The following PSD3 variants were observed in gnomAD, a reference collection of about 807,000 sequenced individuals.
PSD3 encodes the protein PH and SEC7 domain-containing protein 3.
Under a neutral mutation model 105.5 loss-of-function variants are expected in PSD3, and 49 were observed. That is an observed-to-expected ratio of 0.46 (90% CI 0.37 to 0.59). PSD3 has a LOEUF of 0.59. Among genes scored for constraint, PSD3 ranks in the 20% least tolerant of loss-of-function variants. The probability of loss-of-function intolerance (pLI) is 0.00; values close to 1 mark genes in which losing one functional copy is unlikely to be tolerated. For missense variants in PSD3, 1,561 were observed against 1,263.8 expected (o/e 1.24, Z -3.57); for synonymous variants, 557 against 457.8 (o/e 1.22, Z -2.77).
intron 2 of PSD3, among the ~76,000 whole-genome samples, chr8:18,928,805 T>C (rs1290517093): frequency 6.6e-6 from 1 of 151,558 alleles, no homozygotes; most frequent in Non-Finnish European, 1.5e-5. Flanking sequence ...TCTCTCTCTC[T>C]CCCTTCCTCT....
chr8:18,594,105 C>A (rs1169789229), intron 12 of PSD3, among the ~76,000 whole-genome samples: 1 of 115,480 alleles, frequency 8.7e-6, no homozygotes, highest in Admixed American at 1.1e-4. Context: ...CATATGTACC[C>A]TAGAACTTAA....
chr8:18,988,110 A>C (rs576351936), intron 1 of PSD3, among the ~76,000 whole-genome samples: 4 of 121,820 alleles, frequency 3.3e-5, no homozygotes, highest in Non-Finnish European at 8.0e-5. Flanking sequence ...TAAATAAATA[A>C]ATACATATAT....
intron 11 of PSD3, among the ~76,000 whole-genome samples, chr8:18,603,724 C>A (rs922188143): frequency 6.6e-6 from 1 of 152,160 alleles, no homozygotes; most frequent in Non-Finnish European, 1.5e-5. Context: ...TGGTTTAGCA[C>A]CATCCGCTTC....
intron 1 of PSD3, among the ~76,000 whole-genome samples, chr8:19,031,989 A>G (rs1468272591): frequency 3.9e-5 from 6 of 152,018 alleles, no homozygotes; most frequent in African/African-American, 1.4e-4. Flanking sequence ...TATTTTGGAG[A>G]AATGATAGCC....
At chr8:18,573,500 TG>T (rs1802276839) in intron 13 of PSD3, among the ~76,000 whole-genome samples, 1 of 152,122 alleles carries the variant, frequency 6.6e-6, no homozygotes, top group Non-Finnish European at 1.5e-5. Context: ...CACAAAGATT[TG>T]TATGTTAGTG....
chr8:19,040,256 G>A (rs79971821), intron 1 of PSD3, among the ~76,000 whole-genome samples: 14,773 of 152,180 alleles, frequency 0.097, 908 homozygotes, highest in Non-Finnish European at 0.15. Context: ...GGGCTGGAGT[G>A]CAGCGGCATG....
chr8:18,991,182 G>C (rs1363231207), intron 1 of PSD3, among the ~76,000 whole-genome samples: 3 of 151,992 alleles, frequency 2.0e-5, no homozygotes, highest in African/African-American at 7.3e-5. Flanking sequence ...TAATACTTTT[G>C]ACCACACACT....
intron 1 of PSD3, among the ~76,000 whole-genome samples, chr8:19,066,432 C>T (rs17469710): frequency 0.022 from 3,400 of 152,312 alleles, 76 homozygotes; most frequent in Non-Finnish European, 0.034. Flanking sequence ...ACACTACTAT[C>T]TTAGGGAGCA....
intron 9 of PSD3, among the ~76,000 whole-genome samples, chr8:18,728,118 G>C (rs1012434309): frequency 6.6e-6 from 1 of 151,986 alleles, no homozygotes; most frequent in Non-Finnish European, 1.5e-5. Context: ...CTTCACAAAG[G>C]AGTTTATCAT....
At chr8:19,051,262 T>C (rs1264812884) in intron 1 of PSD3, among the ~76,000 whole-genome samples, 1 of 119,430 alleles carries the variant, frequency 8.4e-6, no homozygotes, top group Non-Finnish European at 2.1e-5. Flanking sequence ...GCGCTCGTCC[T>C]TCAGTTCTCA....
intron 11 of PSD3, among the ~76,000 whole-genome samples, chr8:18,614,370 A>C (rs994656099): frequency 4.3e-5 from 6 of 140,816 alleles, no homozygotes; most frequent in African/African-American, 1.0e-4. Flanking sequence ...GATGTCCTAA[A>C]CTAGCATGTA....
chr8:18,860,624 G>A (rs1210776193), intron 4 of PSD3, among the ~76,000 whole-genome samples: 1 of 152,120 alleles, frequency 6.6e-6, no homozygotes, highest in Non-Finnish European at 1.5e-5. Context: ...TTGTATTCCT[G>A]TGTAAAACAC....
chr8:18,807,036 C>A (rs1246687865), intron 4 of PSD3, among the ~76,000 whole-genome samples: 1 of 152,114 alleles, frequency 6.6e-6, no homozygotes, highest in East Asian at 1.9e-4. Flanking sequence ...TACAGTATTT[C>A]AATTATCTCA....
At chr8:18,968,915 A>G (rs1211059432) in intron 1 of PSD3, among the ~76,000 whole-genome samples, 1 of 151,676 alleles carries the variant, frequency 6.6e-6, no homozygotes, top group Non-Finnish European at 1.5e-5. Context: ...CCACCCACAA[A>G]AATATAAAGG....
chr8:18,527,371 A>C lies in PSD3; in HGVS notation c.*8372T>G, dbSNP rs1799467068. 6.6e-6 allele frequency: 1 copy of C among 152,668 alleles called. No individual in the cohort carries two copies. The highest frequency in any genetic ancestry group is 2.4e-5 in the African/African-American group (1 of 41,458). The allele number at this position is 152,668 out of a possible 1,614,324, so 9.5% of individuals were successfully genotyped here. A position where few individuals can be genotyped will look rare whatever the true frequency, so the allele number is the denominator to read the frequency against. ...TTTACATGTATCATATACATATTTT[A>C]AATCCTTCACTATTTTGCGTGATTT... On this transcript the variant is annotated 3_prime_UTR_variant, in exon 16 of 16. Coordinates refer to ENST00000327040, the MANE Select transcript of PSD3 (RefSeq NM_015310.4).
At chr8:18,796,438 G>A (rs767414996) in intron 8 of PSD3, among the ~76,000 whole-genome samples, 6 of 152,128 alleles carry the variant, frequency 3.9e-5, no homozygotes, top group Non-Finnish European at 5.9e-5. Flanking sequence ...GGAGGCACAC[G>A]CATGCTATAT....
chr8:19,055,924 C>T (rs1037807298), intron 1 of PSD3, among the ~76,000 whole-genome samples: 2 of 152,198 alleles, frequency 1.3e-5, no homozygotes, highest in African/African-American at 4.8e-5. Context: ...CAGGAGAACA[C>T]ACTACTTTCC....
At chr8:18,895,964 C>G (rs918549170) in intron 2 of PSD3, among the ~76,000 whole-genome samples, 1 of 152,160 alleles carries the variant, frequency 6.6e-6, no homozygotes, top group African/African-American at 2.4e-5. Context: ...ATACCTACTC[C>G]CCTTCCCCTC....
At chr8:18,828,409 C>T (rs1813403281) in intron 4 of PSD3, among the ~76,000 whole-genome samples, 1 of 152,106 alleles carries the variant, frequency 6.6e-6, no homozygotes, top group Admixed American at 6.5e-5. Flanking sequence ...GTTACAGCAA[C>T]AACCAAGTGA....
Sources: allele counts gnomAD v4.1 joint callset (sites outside exome capture counted in the v4.1 genomes callset), GRCh38; gene constraint gnomAD v4.1.1; transcripts MANE v1.5; gene names NCBI Gene and HGNC (gene_info 2026-07-23, HGNC 2026-07-21).